The following TTC5 variants were observed in gnomAD, a reference collection of about 807,000 sequenced individuals.
TTC5 encodes tetratricopeptide repeat domain 5.
Under a neutral mutation model 57.4 loss-of-function variants are expected in TTC5, and 46 were observed. The observed-to-expected ratio is 0.80, with a 90% CI of 0.63 to 1.03. The LOEUF (loss-of-function observed/expected upper bound fraction) is 1.03, where lower values mean the gene tolerates loss of function less well. Among genes scored for constraint, TTC5 ranks in the 50% least tolerant of loss-of-function variants. The pLI is 0.00. For synonymous variants in TTC5, 190 were observed against 203.5 expected (o/e 0.93, Z 0.57); for missense variants, 504 against 528.1 (o/e 0.95, Z 0.45).
At chr14:20,294,186 G>T (rs1882015994) in intron 8 of TTC5, 1 of 152,070 alleles carries the variant, frequency 6.6e-6, no homozygotes, top group South Asian at 2.1e-4. Flanking sequence ...AGTGATCAAA[G>T]TTGGCAACTA....
In TTC5 at chr14:20,290,595, CAACT is replaced by C. The variant is rs1881933685; in HGVS notation, c.1204-853_1204-850del. Among the ~76,000 whole-genome samples, 6 of 152,264 alleles carry C rather than the reference CAACT, an allele frequency of 3.9e-5. No homozygotes were observed. In the South Asian group the frequency reaches 1.2e-3, roughly 32 times the overall value. ...TATTTACATCCACTGTTGGTAGTGA[CAACT>C]AACTAGTACAATTTTCCAAAGAATT... On this transcript the variant is annotated intron_variant, in intron 9 of 9. Transcript: ENST00000258821.
chr14:20,295,592 C>T, intron 7 of TTC5, 66 bp from the exon 8 acceptor site: 4 of 1,558,950 alleles, frequency 2.6e-6, no homozygotes, highest in Non-Finnish European at 3.5e-6. Flanking sequence ...TCTAATCCTT[C>T]CCTCCCACCC....
Position 20,289,514 on chromosome 14 carries a change from T to C in TTC5, c.*113A>G. 1 of 1,315,472 alleles carries C rather than the reference T, an allele frequency of 7.6e-7. No individual in the cohort carries two copies. Among genetic ancestry groups the C allele is most frequent in the Non-Finnish European group, 1.0e-6 (1 of 973,622 alleles). 81.5% of individuals were successfully genotyped at this position (1,315,472 alleles called of 1,614,324 possible). A position where few individuals can be genotyped will look rare whatever the true frequency, so the allele number is the denominator to read the frequency against. ...GTAATACAGGCAGGGAAAGAGAAAGTCTTCATTTAAAACATTCCTCCCATC... is the reference window on the plus strand; with the variant it reads ...GTAATACAGGCAGGGAAAGAGAAAGCCTTCATTTAAAACATTCCTCCCATC... On this transcript the variant is annotated 3_prime_UTR_variant, in exon 10 of 10. Transcript: ENST00000258821.
chr14:20,294,715 G>GT (rs1318675390), intron 8 of TTC5: 1 of 152,334 alleles, frequency 6.6e-6, no homozygotes, highest in Non-Finnish European at 1.5e-5. Context: ...TCACTAAACC[G>GT]TAACTTTTCA....
At chr14:20,297,243 C>G (rs1882084439) in intron 5 of TTC5, among the ~76,000 whole-genome samples, 1 of 151,978 alleles carries the variant, frequency 6.6e-6, no homozygotes, top group Admixed American at 6.6e-5. Context: ...AAATAGATGG[C>G]CAGGAAAAGA....
chr14:20,301,309 T>C (rs2138817713), intron 2 of TTC5, among the ~76,000 whole-genome samples: 1 of 152,286 alleles, frequency 6.6e-6, no homozygotes, highest in South Asian at 2.1e-4. Context: ...TGTGGCCATG[T>C]TCATGGGAGA....
chr14:20,289,515 CTT>C lies in TTC5; in HGVS notation c.*110_*111del. ...TAATACAGGCAGGGAAAGAGAAAGTCTTCATTTAAAACATTCCTCCCATCCCT... is the reference window on the plus strand; with the variant it reads ...TAATACAGGCAGGGAAAGAGAAAGTCCATTTAAAACATTCCTCCCATCCCT... On this transcript the variant is annotated 3_prime_UTR_variant, in exon 10 of 10. Transcript: ENST00000258821. 7.5e-7 allele frequency: 1 copy of C among 1,329,470 alleles called. No individual in the cohort carries two copies. Among genetic ancestry groups the C allele is most frequent in the Middle Eastern group, 2.8e-4 (1 of 3,624 alleles). The allele number at this position is 1,329,470 out of a possible 1,614,324, so 82.4% of individuals were successfully genotyped here.
In TTC5 at chr14:20,295,274, CAA is replaced by C. The variant is rs750438931; in HGVS notation, c.1058+36_1058+37del. 5.6e-6 allele frequency: 9 copies of C among 1,599,736 alleles called. 1 individual carries two copies. In the South Asian group the frequency reaches 9.9e-5, roughly 18 times the overall value. On this transcript the variant is annotated intron_variant, in intron 8 of 9. Coordinates refer to ENST00000258821, the MANE Select transcript of TTC5 (RefSeq NM_138376.3). ...GAACAGGAAGTGAGAGCAATTAGTT[CAA>C]AAGGGTAAAATGGGGGAAATCCAAG...
chr14:20,295,759 C>T lies in TTC5; in HGVS notation c.792G>A (p.Glu264=), dbSNP rs772398560. The change falls in exon 7 of 10, where the codon GAG becomes GAA. Residue 264 remains glutamate, a synonymous_variant. Coordinates refer to ENST00000258821, the MANE Select transcript of TTC5 (RefSeq NM_138376.3). The part of the protein sequence containing the change: ...DPAWPEPRQR[E]QQLLEFLDRL... The stretch of plus-strand genomic sequence containing the variant: ...TATCCAGGAATTCCAGAAGTTGTTG[C>T]TCTCGTTGCCGGGGCTCTGGCCAGG... The T allele has an allele frequency of 6.2e-7, 1 of 1,614,074 alleles. No homozygotes were observed. The highest frequency in any genetic ancestry group is 2.2e-5 in the East Asian group (1 of 44,884).
chr14:20,296,885 C>A (rs1882076590), intron 5 of TTC5, among the ~76,000 whole-genome samples: 1 of 152,030 alleles, frequency 6.6e-6, no homozygotes, highest in Non-Finnish European at 1.5e-5. Flanking sequence ...TGGTGGCATG[C>A]ACCTGTAATT....
intron 6 of TTC5, among the ~76,000 whole-genome samples, 169 bp from the exon 7 acceptor site, chr14:20,296,023 A>G (rs746489353): frequency 6.6e-6 from 1 of 152,246 alleles, no homozygotes; most frequent in Non-Finnish European, 1.5e-5. Context: ...CCTTCTTCCT[A>G]GCCAAGATGA....
At chr14:20,291,538 T>C (rs571278933) in intron 9 of TTC5, among the ~76,000 whole-genome samples, 39 of 152,354 alleles carry the variant, frequency 2.6e-4, no homozygotes, top group Admixed American at 2.2e-3. Context: ...CTCAATTAAG[T>C]GTTAAATAAA....
In TTC5 at chr14:20,303,548, C is replaced by T. The variant is rs572819612; in HGVS notation, c.52-1583G>A. ...AATTCATCCACCTGTCTCCATCCCA[C>T]TATGACCATTCCTGGATTACATCAG... On this transcript the variant is annotated intron_variant, in intron 1 of 9. Transcript: ENST00000258821. 3.3e-5 allele frequency among the ~76,000 whole-genome samples: 5 copies of T among 152,354 alleles called. No homozygotes were observed. In the South Asian group the frequency reaches 1.0e-3, roughly 32 times the overall value.
intron 5 of TTC5, among the ~76,000 whole-genome samples, chr14:20,297,492 C>T (rs1882089623): frequency 6.6e-6 from 1 of 152,060 alleles, no homozygotes; most frequent in Non-Finnish European, 1.5e-5. Flanking sequence ...AAGAGATGAC[C>T]AGGCACGGTG....
chr14:20,290,797 A>G (rs1881937961), intron 9 of TTC5, among the ~76,000 whole-genome samples: 1 of 152,170 alleles, frequency 6.6e-6, no homozygotes, highest in Non-Finnish European at 1.5e-5. Flanking sequence ...ATCGGAGGTC[A>G]TCAAAGTATT....
intron 8 of TTC5, chr14:20,293,119 T>G (rs1218438098): frequency 1.3e-5 from 2 of 152,208 alleles, no homozygotes; most frequent in South Asian, 4.1e-4. Flanking sequence ...GACTGCATGC[T>G]AAAGTATGTA....
rs1324425891 is a variant in TTC5, at chr14:20,288,415, T to C, written c.*1212A>G. 1.3e-5 allele frequency: 2 copies of C among 152,292 alleles called. No individual in the cohort carries two copies. The highest frequency in any genetic ancestry group is 6.5e-5 in the Admixed American group (1 of 15,288). The allele number at this position is 152,292 out of a possible 1,614,324, so 9.4% of individuals were successfully genotyped here. Reference sequence around the variant, plus strand: ...TGTATACATTAATGTATTACAGCCATTCAGTTGTTGTTGCTGTTTGAGACG... The same window carrying C: ...TGTATACATTAATGTATTACAGCCACTCAGTTGTTGTTGCTGTTTGAGACG... On this transcript the variant is annotated 3_prime_UTR_variant, in exon 10 of 10. Coordinates refer to ENST00000258821, the MANE Select transcript of TTC5 (RefSeq NM_138376.3).
intron 4 of TTC5, 95 bp from the exon 5 acceptor site, chr14:20,298,983 C>T: frequency 1.0e-6 from 1 of 995,722 alleles, no homozygotes; most frequent in Non-Finnish European, 1.5e-6. Flanking sequence ...AAAGGTCCCA[C>T]AAGAAATCCA....
At position 20,302,384 on chromosome 14, in the gene TTC5, C is replaced by T. The variant is rs188761557; in HGVS notation, c.52-419G>A. 1.6e-4 allele frequency among the ~76,000 whole-genome samples: 24 copies of T among 152,326 alleles called. No individual in the cohort carries two copies. The South Asian group carries it at 4.8e-3, about 30-fold the overall frequency. On this transcript the variant is annotated intron_variant, in intron 1 of 9. Coordinates refer to ENST00000258821, the MANE Select transcript of TTC5 (RefSeq NM_138376.3). ...AATTTACCCTTAAAGTTGGACTTCT[C>T]AACTAAAACCATTTTATCCCTGATT... is the stretch of plus-strand genomic sequence containing the variant.
Sources: allele counts gnomAD v4.1 joint callset (sites outside exome capture counted in the v4.1 genomes callset), GRCh38; gene constraint gnomAD v4.1.1; transcripts MANE v1.5; gene names NCBI Gene and HGNC (gene_info 2026-07-23, HGNC 2026-07-21).